The following PLXNA4 variants were observed in gnomAD, a reference collection of about 807,000 sequenced individuals.
PLXNA4 encodes plexin-A4.
PLXNA4 carries 44 observed loss-of-function variants against 191.8 expected under a neutral mutation model. The ratio of observed to expected loss-of-function variants is 0.23; its 90% confidence interval spans 0.18 to 0.29. The LOEUF is 0.29. Ranked by LOEUF, PLXNA4 falls within the 10% of genes least tolerant of loss-of-function variation. The pLI is 1.00. For missense variants in PLXNA4, 1,800 were observed against 2,488.8 expected, an observed-to-expected ratio of 0.72 and a Z score of 5.89; for synonymous variants, 1,082 against 1,009.5, an observed-to-expected ratio of 1.07 and a Z score of -1.36.
At chr7:132,138,465 A>T (rs527925574) in intron 30 of PLXNA4, among the ~76,000 whole-genome samples, 1 of 152,276 alleles carries the variant, frequency 6.6e-6, no homozygotes, top group Admixed American at 6.5e-5. Flanking sequence ...GCAAGCTCGG[A>T]GGATACCTCC....
intron 25 of PLXNA4, among the ~76,000 whole-genome samples, chr7:132,152,360 A>G (rs1273758679): frequency 6.6e-6 from 1 of 152,132 alleles, no homozygotes; most frequent in Non-Finnish European, 1.5e-5. Context: ...GAAGGCCAGC[A>G]CCCTGGTCCC....
At chr7:132,164,671 A>G (rs1325564228) in intron 23 of PLXNA4, among the ~76,000 whole-genome samples, 1 of 151,964 alleles carries the variant, frequency 6.6e-6, no homozygotes, top group African/African-American at 2.4e-5. Flanking sequence ...AGAACTCCTT[A>G]GAACATAAGT....
chr7:132,591,348 A>G (rs1420899102), intron 2 of PLXNA4, among the ~76,000 whole-genome samples: 1 of 152,210 alleles, frequency 6.6e-6, no homozygotes, highest in South Asian at 2.1e-4. Context: ...TTCTTCATCC[A>G]TACGACGGAA....
chr7:132,141,416 CGTATTCCCTCCTTCCCCTCCA>C (rs1795265885), intron 29 of PLXNA4, among the ~76,000 whole-genome samples: 2 of 152,324 alleles, frequency 1.3e-5, no homozygotes, highest in South Asian at 4.1e-4. Flanking sequence ...TGGGCCCCAT[CGTATTCCCTCCTTCCCCTCCA>C]GTTGGCACCT....
intron 4 of PLXNA4, among the ~76,000 whole-genome samples, chr7:132,245,397 T>A (rs2117054538): frequency 6.6e-6 from 1 of 152,328 alleles, no homozygotes; most frequent in South Asian, 2.1e-4. Flanking sequence ...CCATCACCTC[T>A]GGGGACCTCC....
chr7:132,546,743 C>G lies in PLXNA4; in HGVS notation c.-87+29679G>C, dbSNP rs147341596. 5.3e-3 allele frequency among the ~76,000 whole-genome samples: 812 copies of G among 152,306 alleles called. 2 individuals are homozygous for G. The highest frequency in any genetic ancestry group is 0.044 in the Middle Eastern group (13 of 294). On this transcript the variant is annotated intron_variant, in intron 1 of 31. Transcript: ENST00000321063. The stretch of plus-strand genomic sequence containing the variant: ...ATTATCAGATCCACCTTAAGCCTCC[C>G]TTTTGAGAAGGTTCTCCATCCCCAC...
chr7:132,255,778 T>G (rs1457674988), intron 4 of PLXNA4, among the ~76,000 whole-genome samples: 1 of 152,186 alleles, frequency 6.6e-6, no homozygotes, highest in Non-Finnish European at 1.5e-5. Context: ...CAGTTCCCTG[T>G]CTCTTTCTCT....
chr7:132,451,349 A>T (rs1323985657), intron 3 of PLXNA4, among the ~76,000 whole-genome samples: 1 of 152,092 alleles, frequency 6.6e-6, no homozygotes, highest in Non-Finnish European at 1.5e-5. Flanking sequence ...TTATCACAGG[A>T]AAAGGGTTAG....
At chr7:132,230,177 A>C (rs1456846826) in intron 5 of PLXNA4, among the ~76,000 whole-genome samples, 1 of 152,190 alleles carries the variant, frequency 6.6e-6, no homozygotes, top group South Asian at 2.1e-4. Context: ...TTTAAGTCTC[A>C]TAACAATGCT....
intron 3 of PLXNA4, among the ~76,000 whole-genome samples, chr7:132,312,612 C>G (rs1801787664): frequency 6.6e-6 from 1 of 151,984 alleles, no homozygotes. Flanking sequence ...TTAGGTTTGC[C>G]CAAGAAATTA....
At chr7:132,345,557 C>T (rs1452378111) in intron 3 of PLXNA4, among the ~76,000 whole-genome samples, 1 of 152,290 alleles carries the variant, frequency 6.6e-6, no homozygotes, top group South Asian at 2.1e-4. Flanking sequence ...ATGGTTCTAA[C>T]ACACATGAGG....
intron 3 of PLXNA4, among the ~76,000 whole-genome samples, chr7:132,328,857 G>A (rs1802479225): frequency 6.6e-6 from 1 of 152,150 alleles, no homozygotes; most frequent in Non-Finnish European, 1.5e-5. Flanking sequence ...ACTCTGAGAG[G>A]GAGAGACCAT....
chr7:132,528,257 T>C lies in PLXNA4; in HGVS notation c.-86-19478A>G, dbSNP rs551600671. ...GGTGAACTCCCAGGAGGCGCAGCAG[T>C]TGGACACGAGGCTTCTCCATGGTGC... On this transcript the variant is annotated intron_variant, in intron 1 of 31. Transcript: ENST00000321063. Among the ~76,000 whole-genome samples, 10 of 152,290 alleles carry C rather than the reference T, an allele frequency of 6.6e-5. No individual in the cohort carries two copies. The East Asian group carries it at 9.7e-4, about 15-fold the overall frequency.
rs957836491 is a variant in PLXNA4, at chr7:132,289,539, AT to A, written c.1503+8551del. Among the ~76,000 whole-genome samples the A allele has an allele frequency of 1.3e-4, 20 of 149,542 alleles. No individual in the cohort carries two copies. The South Asian group carries it at 1.7e-3, about 13-fold the overall frequency. On this transcript the variant is annotated intron_variant, in intron 4 of 31. Coordinates refer to ENST00000321063, the MANE Select transcript of PLXNA4 (RefSeq NM_020911.2). ...CTTTTAAAAAAATTTATTTTTATTT[AT>A]TTTTTTTTTAGAGAAGTCATCTCCC...
chr7:132,607,809 C>T (rs1802956779), intron 2 of PLXNA4, among the ~76,000 whole-genome samples: 1 of 152,042 alleles, frequency 6.6e-6, no homozygotes, highest in African/African-American at 2.4e-5. Flanking sequence ...TCATCACTAT[C>T]ACCATCACTG....
rs1584814859 is a variant in PLXNA4 at position 132,187,698 on chromosome 7, C to G, written c.2857-91G>C. 4 of 1,478,914 alleles carry G rather than the reference C, an allele frequency of 2.7e-6. No individual in the cohort carries two copies. In the East Asian group the frequency reaches 9.7e-5, roughly 36 times the overall value. 91.6% of individuals were successfully genotyped at this position (1,478,914 alleles called of 1,614,324 possible). The stretch of plus-strand genomic sequence containing the variant: ...TGAGGCAGCACCCCACTCCCCCAAG[C>G]TGCCTTCTGGAATCTTTGGTAACAG... On this transcript the variant is annotated intron_variant, in intron 14 of 31. Coordinates refer to ENST00000321063, the MANE Select transcript of PLXNA4 (RefSeq NM_020911.2).
intron 1 of PLXNA4, among the ~76,000 whole-genome samples, chr7:132,554,410 A>T (rs950020737): frequency 1.3e-5 from 2 of 152,136 alleles, no homozygotes; most frequent in Non-Finnish European, 2.9e-5. Context: ...CACCTTCAAA[A>T]TACACTGACA....
chr7:132,310,920 G>T (rs192764257), intron 3 of PLXNA4, among the ~76,000 whole-genome samples: 1 of 152,212 alleles, frequency 6.6e-6, no homozygotes, highest in Non-Finnish European at 1.5e-5. Flanking sequence ...TTCCCAGAAG[G>T]TGGAGGATGC....
chr7:132,569,590 T>C (rs1355220551), intron 1 of PLXNA4, among the ~76,000 whole-genome samples: 1 of 152,264 alleles, frequency 6.6e-6, no homozygotes, highest in Non-Finnish European at 1.5e-5. Context: ...CCTCATTTTA[T>C]AAACAATAAA....
Sources: allele counts gnomAD v4.1 joint callset (sites outside exome capture counted in the v4.1 genomes callset), GRCh38; gene constraint gnomAD v4.1.1; transcripts MANE v1.5; gene names NCBI Gene and HGNC (gene_info 2026-07-23, HGNC 2026-07-21).